MYOM2: variants seen among roughly 807,000 people sequenced by gnomAD.
MYOM2 encodes myomesin 2.
A neutral mutation model predicts 187.6 loss-of-function variants in MYOM2; 254 were observed. The ratio of observed to expected loss-of-function variants is 1.35; its 90% CI spans 1.22 to 1.50. The LOEUF (loss-of-function observed/expected upper bound fraction) is 1.50. Ranked by LOEUF, MYOM2 falls within the 40% of genes most tolerant of loss-of-function variation. The pLI is 0.00. For missense variants in MYOM2, 2,796 were observed against 1,924.0 expected, an observed-to-expected ratio of 1.45 and a Z score of -8.48; for synonymous variants, 981 against 753.8, an observed-to-expected ratio of 1.30 and a Z score of -4.94.
chr8:2,059,278 G>A (rs376854801), intron 6 of MYOM2, 33 bp downstream of exon 6: 101 of 1,593,868 alleles, frequency 6.3e-5, no homozygotes, highest in Middle Eastern at 1.7e-4. Context: ...GGACGCTGGC[G>A]TCCAGTAATC....
chr8:2,060,866 G>T (rs767124738), intron 6 of MYOM2, among the ~76,000 whole-genome samples: 1 of 152,162 alleles, frequency 6.6e-6, no homozygotes, highest in East Asian at 1.9e-4. Context: ...TTCTTGCTCT[G>T]GGGGAGAGAA....
At chr8:2,126,222 G>C (rs1255701238) in intron 31 of MYOM2, among the ~76,000 whole-genome samples, 2 of 152,192 alleles carry the variant, frequency 1.3e-5, no homozygotes, top group African/African-American at 4.8e-5. Context: ...GAGTTGGATA[G>C]GGACAGAGGG....
At position 2,076,629 on chromosome 8, in the gene MYOM2, G is replaced by A. The variant is rs372806443; in HGVS notation, c.1262+347G>A. On this transcript the variant is annotated intron_variant, in intron 11 of 36. Transcript: ENST00000262113. Reference sequence around the variant, plus strand: ...TGTGCCCCGTACCGGACAGGGCCCTGGCTTTAGCAGAATTAAAGCTTGGAA... The same window carrying A: ...TGTGCCCCGTACCGGACAGGGCCCTAGCTTTAGCAGAATTAAAGCTTGGAA... The A allele has an allele frequency of 5.5e-4, 113 of 206,854 alleles. No homozygotes were observed. In the East Asian group the frequency reaches 7.5e-3, roughly 14 times the overall value. 12.8% of individuals were successfully genotyped at this position (206,854 alleles called of 1,614,324 possible).
At chr8:2,093,857 T>A in intron 16 of MYOM2, 113 bp from the exon 17 acceptor site, 1 of 1,223,046 alleles carries the variant, frequency 8.2e-7, no homozygotes, top group Non-Finnish European at 1.2e-6. Context: ...AAATGAAGGA[T>A]GTATGTTATC....
intron 6 of MYOM2, among the ~76,000 whole-genome samples, chr8:2,062,962 T>C (rs1818899555): frequency 6.6e-6 from 1 of 152,206 alleles, no homozygotes; most frequent in South Asian, 2.1e-4. Flanking sequence ...ATTTGTGAGA[T>C]AAAGTCGTTG....
intron 32 of MYOM2, among the ~76,000 whole-genome samples, chr8:2,133,609 C>T (rs748221332): frequency 3.0e-4 from 45 of 152,110 alleles, no homozygotes; most frequent in Admixed American, 4.6e-4. Flanking sequence ...TACAGGCATG[C>T]GCCACCATGC....
intron 1 of MYOM2, among the ~76,000 whole-genome samples, chr8:2,045,760 ACTT>A (rs1435108084): frequency 1.3e-5 from 2 of 152,126 alleles, no homozygotes; most frequent in Non-Finnish European, 2.9e-5. Context: ...GACCCTTCAG[ACTT>A]CTTCAGCTCC....
At position 2,106,284 on chromosome 8, in the gene MYOM2, T is replaced by C. The variant is rs1421212321; in HGVS notation, c.2777T>C (p.Ile926Thr). 6.2e-7 allele frequency: 1 copy of C among 1,614,086 alleles called. No homozygotes were observed. Among genetic ancestry groups the C allele is most frequent in the East Asian group, 2.2e-5 (1 of 44,876 alleles). ...ISAGVDEQGN[I>T]YLGFDCQEMT... is the part of the protein sequence containing the mutation. ...GCTGGTGTCGATGAACAAGGCAACA[T>C]CTATCTGGGCTTCGACTGCCAGGAA... Residue 926 changes from isoleucine to threonine, a missense_variant, in exon 22 of 37, where the codon ATC (isoleucine) becomes ACC (threonine). Coordinates refer to ENST00000262113, the MANE Select transcript of MYOM2 (RefSeq NM_003970.4).
intron 2 of MYOM2, 138 bp from the exon 3 acceptor site, chr8:2,052,020 C>A: frequency 9.9e-7 from 1 of 1,006,620 alleles, no homozygotes; most frequent in Non-Finnish European, 1.5e-6. Flanking sequence ...CTCTCATATG[C>A]CTGTGCATGT....
intron 1 of MYOM2, among the ~76,000 whole-genome samples, chr8:2,049,291 C>A (rs1261285312): frequency 6.6e-6 from 1 of 152,150 alleles, no homozygotes; most frequent in Non-Finnish European, 1.5e-5. Context: ...CAGGGGTAGC[C>A]TCTTCTACAT....
intron 14 of MYOM2, among the ~76,000 whole-genome samples, chr8:2,086,494 C>CCCCCACTGTTGTGATCTCTGCGTGGCA (rs1796075129): frequency 1.5e-5 from 2 of 132,932 alleles, no homozygotes. Context: ...TCTGTGTGGC[C>CCCCCACTGTTGTGATCTCTGCGTGGCA]CCCCACTGTC....
At chr8:2,056,268 T>G (rs1452169115) in intron 3 of MYOM2, among the ~76,000 whole-genome samples, 1 of 151,990 alleles carries the variant, frequency 6.6e-6, no homozygotes, top group African/African-American at 2.4e-5. Flanking sequence ...GGATGGAGTT[T>G]TGATTGAAAG....
intron 13 of MYOM2, chr8:2,082,180 TG>T (rs1482450023): frequency 6.6e-6 from 1 of 152,174 alleles, no homozygotes; most frequent in East Asian, 1.9e-4. Flanking sequence ...AGAAACAAAC[TG>T]GGTATGAAAT....
At chr8:2,135,365 A>G (rs1798032599) in intron 32 of MYOM2, among the ~76,000 whole-genome samples, 1 of 152,018 alleles carries the variant, frequency 6.6e-6, no homozygotes, top group African/African-American at 2.4e-5. Context: ...AGTTATGTTC[A>G]TTTGTTACTG....
At chr8:2,138,320 C>T (rs62480014) in intron 32 of MYOM2, among the ~76,000 whole-genome samples, 7,526 of 152,290 alleles carry the variant, frequency 0.049, 569 homozygotes, top group African/African-American at 0.16. Flanking sequence ...CTTCCCTCTC[C>T]TGCTCCCCAG....
chr8:2,047,466 G>A (rs1179738519), intron 1 of MYOM2, among the ~76,000 whole-genome samples: 1 of 152,240 alleles, frequency 6.6e-6, no homozygotes, highest in Admixed American at 6.5e-5. Context: ...CATTGGCACT[G>A]GGAGTCAAAT....
intron 31 of MYOM2, among the ~76,000 whole-genome samples, chr8:2,126,074 T>C (rs1022640197): frequency 6.6e-6 from 1 of 152,214 alleles, no homozygotes; most frequent in Admixed American, 6.5e-5. Context: ...CAAGGGCCAC[T>C]CATGGATAAT....
chr8:2,109,463 G>C lies in MYOM2; in HGVS notation c.3112G>C (p.Ala1038Pro). 4 of 1,613,396 alleles carry C rather than the reference G, an allele frequency of 2.5e-6. No homozygotes were observed. Among genetic ancestry groups the C allele is most frequent in the Non-Finnish European group, 3.4e-6 (4 of 1,179,678 alleles). ...DKGRVRFWLQ[A>P]EHLSPDASYR... Reference sequence around the variant, plus strand: ...GGGGCGGGTTCGCTTCTGGCTCCAGGCTGAGCACTTATCACCAGATGCCAG... The same window carrying C: ...GGGGCGGGTTCGCTTCTGGCTCCAGCCTGAGCACTTATCACCAGATGCCAG... The change falls in exon 25 of 37, where the codon GCT (alanine) becomes CCT (proline). Residue 1038 changes from alanine to proline, a missense_variant. By Grantham distance (27) the Ala-to-Pro change is conservative (BLOSUM62 -1). Coordinates refer to ENST00000262113, the MANE Select transcript of MYOM2 (RefSeq NM_003970.4).
intron 5 of MYOM2, 77 bp from the exon 6 acceptor site, chr8:2,059,076 G>C (rs1360377873): frequency 2.4e-6 from 3 of 1,237,222 alleles, no homozygotes; most frequent in Non-Finnish European, 3.5e-6. Context: ...CAGCAGGCGC[G>C]GGGGAGCTGG....
Sources: gnomAD v4.1 joint callset for allele counts (sites outside exome capture counted in the v4.1 genomes callset) on GRCh38, gnomAD v4.1.1 for gene constraint, MANE v1.5 for transcripts, NCBI Gene and HGNC (gene_info 2026-07-23, HGNC 2026-07-21) for gene names.